The following CNTN5 variants were observed in gnomAD, a reference collection of about 807,000 sequenced individuals.
CNTN5 encodes the protein contactin 5.
CNTN5 carries 77 observed loss-of-function variants against 129.1 expected under a neutral mutation model. That is an observed-to-expected ratio of 0.60 (90% CI 0.50 to 0.72). The LOEUF (loss-of-function observed/expected upper bound fraction) is 0.72. CNTN5 is among the 30% of genes least tolerant of loss of function. The pLI, the probability that CNTN5 is intolerant of heterozygous loss-of-function variation, is 0.00. For missense variants in CNTN5, 1,478 were observed against 1,328.8 expected (o/e 1.11, Z -1.75); for synonymous variants, 509 against 465.6 (o/e 1.09, Z -1.20).
At chr11:99,547,404 A>G (rs1198519234) in intron 2 of CNTN5, among the ~76,000 whole-genome samples, 1 of 152,214 alleles carries the variant, frequency 6.6e-6, no homozygotes, top group Non-Finnish European at 1.5e-5. Context: ...GGAGCCTGCA[A>G]TGCCAGACTA....
At chr11:99,145,024 C>T (rs1859708246) in intron 1 of CNTN5, among the ~76,000 whole-genome samples, 3 of 152,038 alleles carry the variant, frequency 2.0e-5, no homozygotes, top group African/African-American at 7.2e-5. Flanking sequence ...TCCAGCATAA[C>T]AGTTATTTCT....
At chr11:99,905,460 C>T (rs878864935) in intron 6 of CNTN5, among the ~76,000 whole-genome samples, 1 of 152,000 alleles carries the variant, frequency 6.6e-6, no homozygotes, top group Non-Finnish European at 1.5e-5. Flanking sequence ...AGATGTGTGG[C>T]ATTATAATTG....
At chr11:99,970,605 G>A (rs1471150017) in intron 8 of CNTN5, among the ~76,000 whole-genome samples, 1 of 152,146 alleles carries the variant, frequency 6.6e-6, no homozygotes, top group Non-Finnish European at 1.5e-5. Flanking sequence ...ACAAACTTTA[G>A]TAAAGGTTAG....
intron 2 of CNTN5, among the ~76,000 whole-genome samples, chr11:99,426,537 A>AT (rs1228311142): frequency 2.0e-5 from 3 of 152,146 alleles, no homozygotes; most frequent in Non-Finnish European, 2.9e-5. Context: ...ATCTTTTACA[A>AT]TTTTTTTAAT....
chr11:99,518,127 T>C (rs188133709), intron 2 of CNTN5, among the ~76,000 whole-genome samples: 1 of 152,246 alleles, frequency 6.6e-6, no homozygotes, highest in African/African-American at 2.4e-5. Context: ...CATATCTGTG[T>C]GTGTGTCTTT....
chr11:99,673,563 A>T (rs1008940372), intron 3 of CNTN5, among the ~76,000 whole-genome samples: 1 of 152,078 alleles, frequency 6.6e-6, no homozygotes, highest in East Asian at 1.9e-4. Flanking sequence ...CCTTGTATCC[A>T]CTAGTTATTT....
intron 20 of CNTN5, among the ~76,000 whole-genome samples, chr11:100,305,122 T>C (rs1203188116): frequency 6.6e-6 from 1 of 151,532 alleles, no homozygotes; most frequent in Admixed American, 6.6e-5. Flanking sequence ...AGCCTCTTTC[T>C]TTATGCCAAT....
intron 2 of CNTN5, among the ~76,000 whole-genome samples, chr11:99,548,931 C>T (rs946298197): frequency 6.6e-6 from 1 of 152,124 alleles, no homozygotes; most frequent in Non-Finnish European, 1.5e-5. Context: ...CATGTTGCCT[C>T]ATCCCATTTT....
intron 3 of CNTN5, among the ~76,000 whole-genome samples, chr11:99,810,178 T>G (rs1402901420): frequency 6.6e-6 from 1 of 152,168 alleles, no homozygotes; most frequent in Non-Finnish European, 1.5e-5. Flanking sequence ...CCAGTTTAAT[T>G]TGTAACAATG....
intron 16 of CNTN5, among the ~76,000 whole-genome samples, chr11:100,230,871 A>C (rs1014718634): frequency 6.6e-6 from 1 of 152,214 alleles, no homozygotes; most frequent in Non-Finnish European, 1.5e-5. Flanking sequence ...TGTAATACAC[A>C]TTTGGATTTA....
chr11:99,611,006 CTT>C (rs1950577621), intron 3 of CNTN5, among the ~76,000 whole-genome samples: 1 of 152,100 alleles, frequency 6.6e-6, no homozygotes, highest in South Asian at 2.1e-4. Flanking sequence ...GTAGTTGAGC[CTT>C]CATGGTATTT....
At chr11:99,386,702 C>T (rs1003214213) in intron 2 of CNTN5, among the ~76,000 whole-genome samples, 4 of 152,076 alleles carry the variant, frequency 2.6e-5, no homozygotes, top group African/African-American at 7.2e-5. Flanking sequence ...CTCATTTTAC[C>T]CAGCTCCTAT....
intron 2 of CNTN5, among the ~76,000 whole-genome samples, chr11:99,329,501 G>A (rs1053242547): frequency 1.3e-5 from 2 of 152,098 alleles, no homozygotes; most frequent in Non-Finnish European, 2.9e-5. Context: ...TAGTCTGAAG[G>A]CTCAGTCACC....
intron 2 of CNTN5, among the ~76,000 whole-genome samples, chr11:99,338,405 C>T (rs1272472930): frequency 1.3e-5 from 2 of 152,112 alleles, no homozygotes; most frequent in African/African-American, 4.8e-5. Context: ...ATGGTGTCCA[C>T]CATGTCTGAC....
chr11:99,327,965 G>A (rs553648464), intron 2 of CNTN5, among the ~76,000 whole-genome samples: 1 of 152,294 alleles, frequency 6.6e-6, no homozygotes, highest in African/African-American at 2.4e-5. Flanking sequence ...TAGGTTTATA[G>A]ATTTTTAGCA....
chr11:99,355,313 C>T (rs934471242), intron 2 of CNTN5, among the ~76,000 whole-genome samples: 1 of 151,938 alleles, frequency 6.6e-6, no homozygotes, highest in African/African-American at 2.4e-5. Flanking sequence ...GAACATATGT[C>T]CTCGAATACT....
chr11:99,903,091 A>G (rs1306185468), intron 6 of CNTN5, among the ~76,000 whole-genome samples: 4 of 152,110 alleles, frequency 2.6e-5, no homozygotes, highest in Non-Finnish European at 5.9e-5. Context: ...ATTAAACTAT[A>G]CAACAGCAAA....
intron 3 of CNTN5, among the ~76,000 whole-genome samples, chr11:99,776,421 C>T (rs370819619): frequency 5.9e-5 from 9 of 151,942 alleles, no homozygotes; most frequent in African/African-American, 2.2e-4. Flanking sequence ...AAAAGCATTG[C>T]TTTCCTATCA....
intron 3 of CNTN5, among the ~76,000 whole-genome samples, chr11:99,563,195 G>T (rs11220458): frequency 6.6e-6 from 1 of 152,296 alleles, no homozygotes; most frequent in East Asian, 1.9e-4. Flanking sequence ...AAGTTTAAAT[G>T]TGACTGGTAC....
Sources: gnomAD v4.1 joint callset for allele counts (sites outside exome capture counted in the v4.1 genomes callset) on GRCh38, gnomAD v4.1.1 for gene constraint, MANE v1.5 for transcripts, NCBI Gene and HGNC (gene_info 2026-07-23, HGNC 2026-07-21) for gene names.